Variants in CNTNAP5 observed in about 807,000 individuals in gnomAD.
The protein encoded by CNTNAP5 is contactin associated protein family member 5.
A neutral mutation model predicts 150.2 loss-of-function variants in CNTNAP5; 72 were observed. The ratio of observed to expected loss-of-function variants is 0.48; its 90% CI spans 0.40 to 0.58. CNTNAP5 has a LOEUF of 0.58. Among genes scored for constraint, CNTNAP5 ranks in the 20% least tolerant of loss-of-function variants. The pLI is 0.00. For missense variants in CNTNAP5, 1,636 were observed against 1,626.2 expected (o/e 1.01, Z -0.10); for synonymous variants, 672 against 619.8 (o/e 1.08, Z -1.25).
intron 11 of CNTNAP5, among the ~76,000 whole-genome samples, chr2:124,603,499 A>G (rs1389891837): frequency 6.6e-6 from 1 of 152,228 alleles, no homozygotes; most frequent in East Asian, 1.9e-4. Flanking sequence ...GCAGTCCTTG[A>G]TGATCATTGT....
intron 1 of CNTNAP5, among the ~76,000 whole-genome samples, chr2:124,072,470 C>A (rs1351512525): frequency 6.6e-6 from 1 of 151,504 alleles, no homozygotes; most frequent in African/African-American, 2.4e-5. Flanking sequence ...ATCTTATATC[C>A]AGAAAAACAA....
chr2:124,767,348 A>G (rs1006146400), intron 16 of CNTNAP5, among the ~76,000 whole-genome samples: 4 of 152,210 alleles, frequency 2.6e-5, no homozygotes, highest in African/African-American at 9.6e-5. Context: ...CCCATACTCT[A>G]TGAAAAAGAA....
intron 21 of CNTNAP5, among the ~76,000 whole-genome samples, chr2:124,891,505 G>A (rs550460358): frequency 1.4e-4 from 21 of 152,148 alleles, no homozygotes; most frequent in Admixed American, 3.3e-4. Context: ...CAATATGCAG[G>A]CACTATATTC....
At chr2:124,403,848 A>G (rs1229186173) in intron 3 of CNTNAP5, among the ~76,000 whole-genome samples, 8 of 152,230 alleles carry the variant, frequency 5.3e-5, no homozygotes, top group African/African-American at 1.9e-4. Flanking sequence ...AAGGCTAAGA[A>G]GGACCAAACG....
At chr2:124,712,594 G>A (rs1033540032) in intron 13 of CNTNAP5, among the ~76,000 whole-genome samples, 13 of 152,108 alleles carry the variant, frequency 8.5e-5, no homozygotes, top group South Asian at 2.1e-4. Flanking sequence ...TAAAAATAAC[G>A]GAAATTAATT....
intron 19 of CNTNAP5, among the ~76,000 whole-genome samples, chr2:124,830,013 T>C (rs1038038402): frequency 2.6e-5 from 4 of 151,584 alleles, no homozygotes; most frequent in African/African-American, 4.8e-5. Flanking sequence ...TTATAGCTGA[T>C]ACCATATTAG....
At chr2:124,509,494 TG>T (rs1355682273) in intron 8 of CNTNAP5, among the ~76,000 whole-genome samples, 1 of 152,206 alleles carries the variant, frequency 6.6e-6, no homozygotes, top group African/African-American at 2.4e-5. Flanking sequence ...AGTTAGGCAT[TG>T]TGCTAGGGGC....
rs552474850 is a variant in CNTNAP5 at position 124,255,511 on chromosome 2, G to A, written c.381+13118G>A. 2.2e-3 allele frequency among the ~76,000 whole-genome samples: 331 copies of A among 149,460 alleles called. 1 individual carries two copies. The highest frequency in any genetic ancestry group is 7.7e-3 in the African/African-American group (310 of 40,238). On this transcript the variant is annotated intron_variant, in intron 3 of 23. Transcript: ENST00000682447. ...GGCACTCTAGCCTGGGCAACAGAGCGAGACTCTGTCTCAAAAATAAAATAA... is the reference window on the plus strand; with the variant it reads ...GGCACTCTAGCCTGGGCAACAGAGCAAGACTCTGTCTCAAAAATAAAATAA...
intron 3 of CNTNAP5, among the ~76,000 whole-genome samples, chr2:124,345,407 CCAA>C (rs1484725163): frequency 6.6e-6 from 1 of 152,136 alleles, no homozygotes; most frequent in Non-Finnish European, 1.5e-5. Context: ...GGAAACAAAT[CCAA>C]CATCACAGCA....
At chr2:124,657,254 G>C (rs1329621954) in intron 13 of CNTNAP5, among the ~76,000 whole-genome samples, 3 of 152,248 alleles carry the variant, frequency 2.0e-5, no homozygotes. Context: ...TAGCACTGTT[G>C]AAAGTGTAGA....
chr2:124,737,580 C>A (rs185346829), intron 13 of CNTNAP5, among the ~76,000 whole-genome samples: 2 of 152,120 alleles, frequency 1.3e-5, no homozygotes, highest in African/African-American at 2.4e-5. Flanking sequence ...TGGGCCATGG[C>A]GAGAAGGTGG....
intron 20 of CNTNAP5, among the ~76,000 whole-genome samples, chr2:124,867,980 C>A (rs1276065614): frequency 6.6e-6 from 1 of 152,154 alleles, no homozygotes; most frequent in African/African-American, 2.4e-5. Flanking sequence ...TTTTTCAAGT[C>A]CATAGTTTCA....
intron 1 of CNTNAP5, among the ~76,000 whole-genome samples, chr2:124,175,512 C>T (rs1041938527): frequency 6.6e-6 from 1 of 152,000 alleles, no homozygotes; most frequent in African/African-American, 2.4e-5. Context: ...TTGCACGATA[C>T]TTAGGTTTGG....
chr2:124,094,266 C>A (rs902097279), intron 1 of CNTNAP5, among the ~76,000 whole-genome samples: 3 of 152,174 alleles, frequency 2.0e-5, no homozygotes, highest in Admixed American at 6.5e-5. Flanking sequence ...ATAGGAGGAA[C>A]TTTGAAATCT....
intron 13 of CNTNAP5, 146 bp from the exon 14 acceptor site, chr2:124,747,083 A>G (rs1347097745): frequency 1.9e-5 from 12 of 622,266 alleles, no homozygotes; most frequent in Non-Finnish European, 3.1e-5. Flanking sequence ...GGAAGGGGGG[A>G]TGTGAGGGAG....
chr2:124,501,922 C>A (rs940896440), intron 7 of CNTNAP5, among the ~76,000 whole-genome samples: 3 of 152,052 alleles, frequency 2.0e-5, no homozygotes, highest in African/African-American at 2.4e-5. Flanking sequence ...TAGAGGCATG[C>A]GCTAAAGACA....
At chr2:124,620,713 C>CAT (rs879304677) in intron 12 of CNTNAP5, among the ~76,000 whole-genome samples, 7 of 148,240 alleles carry the variant, frequency 4.7e-5, no homozygotes, top group East Asian at 2.0e-4. Context: ...TGAGAATTAG[C>CAT]ATATATATAT....
intron 1 of CNTNAP5, among the ~76,000 whole-genome samples, chr2:124,210,653 A>G (rs1156647473): frequency 6.6e-6 from 1 of 152,152 alleles, no homozygotes; most frequent in African/African-American, 2.4e-5. Flanking sequence ...ACATTTTTCC[A>G]TATAGAAATT....
intron 17 of CNTNAP5, among the ~76,000 whole-genome samples, chr2:124,789,030 C>T (rs1573618349): frequency 1.3e-5 from 2 of 152,136 alleles, no homozygotes; most frequent in Non-Finnish European, 2.9e-5. Flanking sequence ...ATTCCATGGT[C>T]AATATGGCTA....
Sources: gnomAD v4.1 joint callset for allele counts (sites outside exome capture counted in the v4.1 genomes callset) on GRCh38, gnomAD v4.1.1 for gene constraint, MANE v1.5 for transcripts, NCBI Gene and HGNC (gene_info 2026-07-23, HGNC 2026-07-21) for gene names.